Variants in ANKRD17 observed in about 807,000 individuals in gnomAD.
ANKRD17 encodes the protein ankyrin repeat domain 17, also known as ankyrin repeat domain-containing protein 17.
ANKRD17 carries 19 observed loss-of-function variants against 229.7 expected under a neutral mutation model. That is an observed-to-expected ratio of 0.08 (90% CI 0.06 to 0.12). ANKRD17 has a LOEUF of 0.12. ANKRD17 is among the 10% of genes least tolerant of loss of function. ANKRD17 has a pLI of 1.00. For synonymous variants in ANKRD17, 1,112 were observed against 1,146.1 expected (o/e 0.97, Z 0.60); for missense variants, 2,176 against 3,176.8 (o/e 0.68, Z 7.57).
chr4:73,172,961 A>G (rs576735360), intron 2 of ANKRD17, among the ~76,000 whole-genome samples: 92 of 152,340 alleles, frequency 6.0e-4, no homozygotes, highest in African/African-American at 2.1e-3. Context: ...TTCACTTATC[A>G]GTAACAACAC....
intron 24 of ANKRD17, among the ~76,000 whole-genome samples, chr4:73,113,465 A>C (rs945455888): frequency 6.6e-6 from 1 of 152,240 alleles, no homozygotes; most frequent in Admixed American, 6.5e-5. Flanking sequence ...CTAAAACAAT[A>C]AATTATAAGA....
chr4:73,190,909 A>G (rs1276768432), intron 1 of ANKRD17, among the ~76,000 whole-genome samples: 1 of 152,144 alleles, frequency 6.6e-6, no homozygotes, highest in Admixed American at 6.6e-5. Context: ...CAAAAACAAA[A>G]AAAACACCTG....
At chr4:73,164,317 A>T (rs1437746519) in intron 2 of ANKRD17, among the ~76,000 whole-genome samples, 1 of 152,252 alleles carries the variant, frequency 6.6e-6, no homozygotes, top group Admixed American at 6.5e-5. Flanking sequence ...ATCTTTATGA[A>T]CTTCTTGTAT....
intron 16 of ANKRD17, among the ~76,000 whole-genome samples, chr4:73,134,145 C>T (rs1728599910): frequency 1.3e-5 from 2 of 152,084 alleles, no homozygotes; most frequent in Non-Finnish European, 2.9e-5. Context: ...CATAGTGTTA[C>T]TGAGGATCAT....
intron 33 of ANKRD17, 60 bp from the exon 34 acceptor site, chr4:73,076,350 A>G: frequency 1.5e-6 from 2 of 1,329,542 alleles, no homozygotes; most frequent in Non-Finnish European, 2.0e-6. Context: ...TTATTAAAAT[A>G]AAACTTTTAA....
intron 5 of ANKRD17, among the ~76,000 whole-genome samples, chr4:73,154,386 T>C (rs1181962127): frequency 6.6e-6 from 1 of 152,112 alleles, no homozygotes; most frequent in African/African-American, 2.4e-5. Context: ...TGGGGAGTTG[T>C]AAAAGAACTG....
chr4:73,083,117 T>A (rs1014653794), intron 30 of ANKRD17, among the ~76,000 whole-genome samples: 1 of 152,150 alleles, frequency 6.6e-6, no homozygotes, highest in African/African-American at 2.4e-5. Flanking sequence ...CTGGGAAAAA[T>A]ATACAAGGGA....
At chr4:73,203,707 C>A (rs1274426632) in intron 1 of ANKRD17, among the ~76,000 whole-genome samples, 1 of 132,056 alleles carries the variant, frequency 7.6e-6, no homozygotes, top group South Asian at 2.4e-4. Context: ...TGCAGTGAGT[C>A]GAGATCACGC....
rs774369004 is a variant in ANKRD17, at chr4:73,098,515, G to A, written c.4579C>T (p.Pro1527Ser). The change falls in exon 26 of 34, where the codon CCT becomes TCT. Residue 1527 changes from proline (P) to serine (S), a missense_variant. Physicochemically the swap from Pro to Ser is moderately conservative, Grantham distance 74 (BLOSUM62 -1). Coordinates refer to ENST00000358602, the MANE Select transcript of ANKRD17 (RefSeq NM_032217.5). ...EKEKLKVEDEPEVLTEPPSAT... is the reference protein window; with the variant it reads ...EKEKLKVEDESEVLTEPPSAT... ...CTTGGAGGTTCTGTCAAGACTTCAG[G>A]CTCATCTGTAAAAGTAGCAATACTG... is the stretch of plus-strand genomic sequence containing the variant. 1.2e-5 allele frequency: 20 copies of A among 1,609,344 alleles called. No homozygotes were observed. Among genetic ancestry groups the A allele is most frequent in the Non-Finnish European group, 1.7e-5 (20 of 1,178,598 alleles).
chr4:73,131,112 C>T (rs1728143647), intron 16 of ANKRD17, among the ~76,000 whole-genome samples: 1 of 152,112 alleles, frequency 6.6e-6, no homozygotes, highest in Admixed American at 6.5e-5. Flanking sequence ...TTTCCTAAAA[C>T]AGATTTTGAT....
chr4:73,188,140 AC>A (rs1736541067), intron 1 of ANKRD17, among the ~76,000 whole-genome samples: 1 of 152,158 alleles, frequency 6.6e-6, no homozygotes, highest in African/African-American at 2.4e-5. Flanking sequence ...GTTGAAAGAA[AC>A]TAAAACTTAG....
chr4:73,209,409 A>G (rs1739952387), intron 1 of ANKRD17, among the ~76,000 whole-genome samples: 1 of 152,214 alleles, frequency 6.6e-6, no homozygotes, highest in African/African-American at 2.4e-5. Context: ...CCACAGACTG[A>G]AATTGACAAA....
At chr4:73,185,605 T>C (rs907200984) in intron 1 of ANKRD17, among the ~76,000 whole-genome samples, 2 of 152,092 alleles carry the variant, frequency 1.3e-5, no homozygotes, top group Non-Finnish European at 2.9e-5. Flanking sequence ...GTGTCAATGA[T>C]TGATTTTTAG....
At chr4:73,120,391 A>C (rs1287855410) in intron 20 of ANKRD17, 54 bp from the exon 21 acceptor site, 3 of 1,520,476 alleles carry the variant, frequency 2.0e-6, no homozygotes, top group Non-Finnish European at 2.7e-6. Context: ...GGAAAGATCT[A>C]AAATTGTAAA....
chr4:73,087,549 T>C (rs1722325881), intron 29 of ANKRD17, among the ~76,000 whole-genome samples: 1 of 152,160 alleles, frequency 6.6e-6, no homozygotes, highest in Non-Finnish European at 1.5e-5. Flanking sequence ...GTAGAATACT[T>C]TAGACAGAGG....
At chr4:73,127,004 T>A (rs944359682) in intron 16 of ANKRD17, among the ~76,000 whole-genome samples, 1 of 152,238 alleles carries the variant, frequency 6.6e-6, no homozygotes, top group Non-Finnish European at 1.5e-5. Flanking sequence ...TTAATTTAAA[T>A]GTAATAACTG....
At chr4:73,103,827 G>GTTTT (rs148621021) in intron 24 of ANKRD17, among the ~76,000 whole-genome samples, 1 of 148,802 alleles carries the variant, frequency 6.7e-6, no homozygotes. Flanking sequence ...AACCCTCTCC[G>GTTTT]GTTTTTTTTT....
intron 29 of ANKRD17, among the ~76,000 whole-genome samples, chr4:73,085,682 CAAA>C (rs756555808): frequency 6.7e-5 from 6 of 89,536 alleles, no homozygotes; most frequent in Admixed American, 1.2e-4. Context: ...GACCCCACCT[CAAA>C]AAAAAAAAAA....
chr4:73,144,978 C>T, intron 10 of ANKRD17, 146 bp from the exon 11 acceptor site: 1 of 543,486 alleles, frequency 1.8e-6, no homozygotes, highest in South Asian at 3.4e-5. Context: ...AAGAAATATA[C>T]TTTTAAATTT....
Sources: allele counts gnomAD v4.1 joint callset (sites outside exome capture counted in the v4.1 genomes callset), GRCh38; gene constraint gnomAD v4.1.1; transcripts MANE v1.5; gene names NCBI Gene and HGNC (gene_info 2026-07-23, HGNC 2026-07-21).